Variants in CFAP54 observed in about 807,000 individuals in gnomAD.
CFAP54 encodes cilia and flagella associated protein 54, also known as cilia- and flagella-associated protein 54.
A neutral mutation model predicts 370.4 loss-of-function variants in CFAP54; 290 were observed. The ratio of observed to expected loss-of-function variants is 0.78; its 90% CI spans 0.71 to 0.86. The LOEUF (loss-of-function observed/expected upper bound fraction) is 0.86, where lower values mean the gene tolerates loss of function less well. CFAP54 is among the 40% of genes least tolerant of loss of function. CFAP54 has a pLI of 0.00. For synonymous variants in CFAP54, 1,206 were observed against 1,236.5 expected (o/e 0.98, Z 0.52); for missense variants, 3,399 against 3,528.7 (o/e 0.96, Z 0.93).
chr12:96,825,775 C>T (rs1248285056), intron 65 of CFAP54, among the ~76,000 whole-genome samples: 1 of 125,270 alleles, frequency 8.0e-6, no homozygotes, highest in African/African-American at 3.1e-5. Flanking sequence ...ATATATATTA[C>T]ATATTATGTA....
intron 19 of CFAP54, chr12:96,572,834 T>C (rs745721238): frequency 3.1e-6 from 3 of 983,162 alleles, no homozygotes; most frequent in Non-Finnish European, 3.6e-6. Context: ...ATGATACTGA[T>C]CAACAGCCCA....
intron 67 of CFAP54, among the ~76,000 whole-genome samples, chr12:96,865,837 T>G (rs1320193439): frequency 6.6e-6 from 1 of 152,116 alleles, no homozygotes; most frequent in Non-Finnish European, 1.5e-5. Flanking sequence ...TGGGTTTTAA[T>G]GACAACTAAA....
At chr12:96,791,230 G>A (rs1304130535) in intron 62 of CFAP54, among the ~76,000 whole-genome samples, 1 of 150,458 alleles carries the variant, frequency 6.6e-6, no homozygotes, top group African/African-American at 2.4e-5. Context: ...TGTTGCCCAG[G>A]CTGCAGTGCA....
chr12:96,584,160 T>C (rs774314604), intron 22 of CFAP54, among the ~76,000 whole-genome samples: 2 of 143,618 alleles, frequency 1.4e-5, no homozygotes, highest in Non-Finnish European at 3.0e-5. Context: ...ATTTTATTTT[T>C]CATTCAAATA....
intron 48 of CFAP54, among the ~76,000 whole-genome samples, chr12:96,713,047 G>T (rs899970632): frequency 6.6e-6 from 1 of 152,196 alleles, no homozygotes; most frequent in African/African-American, 2.4e-5. Flanking sequence ...GCAGATGCTG[G>T]TGAGGATGTG....
chr12:96,850,846 T>C (rs1437692949), intron 66 of CFAP54, among the ~76,000 whole-genome samples: 4 of 152,006 alleles, frequency 2.6e-5, no homozygotes, highest in African/African-American at 9.7e-5. Flanking sequence ...AGCAATCAGA[T>C]CTCTTGAGAA....
intron 9 of CFAP54, among the ~76,000 whole-genome samples, chr12:96,531,949 C>A (rs1955444241): frequency 6.6e-6 from 1 of 152,246 alleles, no homozygotes; most frequent in Non-Finnish European, 1.5e-5. Context: ...TGGTCTCAAA[C>A]TCCTGACCCC....
chr12:96,749,190 G>A (rs982345464), intron 55 of CFAP54, among the ~76,000 whole-genome samples: 33 of 152,160 alleles, frequency 2.2e-4, no homozygotes, highest in Admixed American at 7.2e-4. Flanking sequence ...TTTGGTGTCT[G>A]GTGAGGGATG....
chr12:96,607,710 A>G (rs1956315536), intron 26 of CFAP54, among the ~76,000 whole-genome samples: 2 of 152,228 alleles, frequency 1.3e-5, no homozygotes, highest in African/African-American at 2.4e-5. Context: ...AAATCCCTGA[A>G]GTCAAAGGAT....
At chr12:96,512,079 C>T (rs963986098) in intron 4 of CFAP54, among the ~76,000 whole-genome samples, 2 of 151,754 alleles carry the variant, frequency 1.3e-5, no homozygotes, top group Non-Finnish European at 2.9e-5. Context: ...GTTGGAAATG[C>T]TATTTTTTCA....
intron 57 of CFAP54, among the ~76,000 whole-genome samples, chr12:96,756,890 G>A (rs1238596125): frequency 7.8e-6 from 1 of 128,832 alleles, no homozygotes; most frequent in Non-Finnish European, 1.6e-5. Flanking sequence ...GAAGGAGTTC[G>A]TGTGGCTGTG....
intron 45 of CFAP54, among the ~76,000 whole-genome samples, chr12:96,694,287 T>C (rs1957417600): frequency 6.6e-6 from 1 of 152,234 alleles, no homozygotes; most frequent in African/African-American, 2.4e-5. Context: ...TTGAGATTCA[T>C]GTGTGATTGA....
intron 1 of CFAP54, among the ~76,000 whole-genome samples, chr12:96,491,643 A>G (rs1420492858): frequency 6.6e-6 from 1 of 152,230 alleles, no homozygotes; most frequent in African/African-American, 2.4e-5. Context: ...AAGCAGGTAG[A>G]GAAAGTATTT....
chr12:96,515,192 A>G (rs567615229), intron 5 of CFAP54, among the ~76,000 whole-genome samples: 6 of 152,016 alleles, frequency 3.9e-5, no homozygotes, highest in Admixed American at 1.3e-4. Context: ...TATTTTTAGT[A>G]GAGATGGGGT....
At position 96,651,713 on chromosome 12, in the gene CFAP54, T is replaced by C; in HGVS notation, c.4998T>C (p.Ile1666=). ...QAVDLDKTFP[I]SQDGFLCTSV... Reference sequence around the variant, plus strand: ...TGGATCTTGATAAAACATTTCCTATTAGCCAAGATGGTTTCCTCTGCACCT... The same window carrying C: ...TGGATCTTGATAAAACATTTCCTATCAGCCAAGATGGTTTCCTCTGCACCT... Residue 1666 remains isoleucine, a synonymous_variant, in exon 36 of 68, where the codon ATT becomes ATC. Coordinates refer to ENST00000524981, the MANE Select transcript of CFAP54 (RefSeq NM_001306084.2). 1 of 1,613,998 alleles carries C rather than the reference T, an allele frequency of 6.2e-7. No individual in the cohort carries two copies. The highest frequency in any genetic ancestry group is 1.3e-5 in the African/African-American group (1 of 75,052).
chr12:96,506,885 C>T, intron 3 of CFAP54, 43 bp from the exon 4 acceptor site: 1 of 1,485,508 alleles, frequency 6.7e-7, no homozygotes, highest in African/African-American at 1.4e-5. Context: ...CTGTTCCTGG[C>T]CAGTTATTTC....
At chr12:96,615,592 A>G (rs995091518) in intron 26 of CFAP54, among the ~76,000 whole-genome samples, 11 of 152,240 alleles carry the variant, frequency 7.2e-5, no homozygotes, top group African/African-American at 2.7e-4. Flanking sequence ...AGAATGGGAG[A>G]AAATTTTTGC....
intron 35 of CFAP54, 132 bp downstream of exon 35, chr12:96,650,204 T>G (rs1956843492): frequency 2.6e-6 from 2 of 777,022 alleles, no homozygotes; most frequent in Non-Finnish European, 4.0e-6. Context: ...CTCATCTTGC[T>G]GGGTGTATCC....
At chr12:96,605,217 G>T (rs1297685513) in intron 26 of CFAP54, among the ~76,000 whole-genome samples, 1 of 152,152 alleles carries the variant, frequency 6.6e-6, no homozygotes, top group Non-Finnish European at 1.5e-5. Flanking sequence ...CGTTAAACCT[G>T]CATATCATCT....
Sources: allele counts gnomAD v4.1 joint callset (sites outside exome capture counted in the v4.1 genomes callset), GRCh38; gene constraint gnomAD v4.1.1; transcripts MANE v1.5; gene names NCBI Gene and HGNC (gene_info 2026-07-23, HGNC 2026-07-21).